Variants in NCKAP5 observed in about 807,000 individuals in gnomAD.
The protein encoded by NCKAP5 is NCK associated protein 5.
A neutral mutation model predicts 167.0 loss-of-function variants in NCKAP5; 92 were observed. The observed-to-expected ratio is 0.55, with a 90% CI of 0.47 to 0.66. The LOEUF (loss-of-function observed/expected upper bound fraction) is 0.66, where lower values mean the gene tolerates loss of function less well. NCKAP5 is among the 30% of genes least tolerant of loss of function. NCKAP5 has a pLI of 0.00. For missense variants in NCKAP5, 2,378 were observed against 2,315.0 expected (o/e 1.03, Z -0.56); for synonymous variants, 891 against 877.4 (o/e 1.02, Z -0.27).
At chr2:133,329,544 G>A (rs1237936552) in intron 3 of NCKAP5, among the ~76,000 whole-genome samples, 1 of 152,088 alleles carries the variant, frequency 6.6e-6, no homozygotes, top group Non-Finnish European at 1.5e-5. Context: ...ATTGAAAGAT[G>A]GGCAAGGTGT....
chr2:132,928,398 A>G (rs1334232249), intron 8 of NCKAP5, among the ~76,000 whole-genome samples: 2 of 152,212 alleles, frequency 1.3e-5, no homozygotes, highest in Non-Finnish European at 2.9e-5. Context: ...TTAATTGATG[A>G]GGTTTCCTTA....
At chr2:133,214,062 A>C (rs1215573793) in intron 4 of NCKAP5, among the ~76,000 whole-genome samples, 1 of 152,196 alleles carries the variant, frequency 6.6e-6, no homozygotes, top group Non-Finnish European at 1.5e-5. Flanking sequence ...CTCACAAATA[A>C]ATTTTTCATG....
chr2:133,280,843 A>G (rs1317120573), intron 4 of NCKAP5, among the ~76,000 whole-genome samples: 2 of 152,210 alleles, frequency 1.3e-5, no homozygotes, highest in East Asian at 3.9e-4. Context: ...AATTTGTGAC[A>G]GTGACGATAT....
At chr2:132,922,054 G>C (rs570467857) in intron 8 of NCKAP5, among the ~76,000 whole-genome samples, 1 of 152,302 alleles carries the variant, frequency 6.6e-6, no homozygotes, top group Non-Finnish European at 1.5e-5. Context: ...ACAGAGCAGA[G>C]AGATGGACAG....
At position 133,292,804 on chromosome 2, in the gene NCKAP5, G is replaced by A. The variant is rs137938042; in HGVS notation, c.143+10233C>T. On this transcript the variant is annotated intron_variant, in intron 4 of 19. Coordinates refer to ENST00000409261, the MANE Select transcript of NCKAP5 (RefSeq NM_207363.3). ...GGCAGTAAATCTATCTTTTAAGTAC[G>A]AATATTTCCCCAGTTACATTAGGGA... Among the ~76,000 whole-genome samples the A allele has an allele frequency of 4.6e-5, 7 of 152,186 alleles. No individual in the cohort carries two copies. In the East Asian group the frequency reaches 7.7e-4, roughly 17 times the overall value.
At chr2:133,663,885 T>C in the NCKAP5 span, among the ~76,000 whole-genome samples, 1 of 152,202 alleles carries the variant, frequency 6.6e-6, no homozygotes, top group East Asian at 1.9e-4. Flanking sequence ...CTTATTGGCA[T>C]CTAGAATGGT....
intron 8 of NCKAP5, among the ~76,000 whole-genome samples, chr2:132,884,636 A>G (rs1412640490): frequency 5.3e-5 from 8 of 152,336 alleles, no homozygotes; most frequent in South Asian, 2.1e-4. Flanking sequence ...TAGAATTCCA[A>G]TTCTACAAAG....
At chr2:133,605,552 A>C in the NCKAP5 span, among the ~76,000 whole-genome samples, 1 of 152,214 alleles carries the variant, frequency 6.6e-6, no homozygotes, top group Admixed American at 6.5e-5. Context: ...ACTTGGTAGA[A>C]TAGCTTGAAA....
intron 3 of NCKAP5, among the ~76,000 whole-genome samples, chr2:133,404,227 A>G (rs534240254): frequency 6.6e-6 from 1 of 152,340 alleles, no homozygotes; most frequent in South Asian, 2.1e-4. Context: ...TGTCCTGTTG[A>G]ACTGTTGAAA....
intron 3 of NCKAP5, among the ~76,000 whole-genome samples, chr2:133,385,592 C>G (rs1686890774): frequency 6.6e-6 from 1 of 152,040 alleles, no homozygotes; most frequent in African/African-American, 2.4e-5. Flanking sequence ...CCCTCTTTTT[C>G]TATTGATTGG....
At chr2:133,111,782 T>G (rs2081922724) in intron 6 of NCKAP5, among the ~76,000 whole-genome samples, 1 of 152,204 alleles carries the variant, frequency 6.6e-6, no homozygotes, top group Non-Finnish European at 1.5e-5. Flanking sequence ...CACACTGGGC[T>G]GTGATGAACA....
chr2:132,786,835 G>A (rs561568279), intron 13 of NCKAP5, among the ~76,000 whole-genome samples: 59 of 152,236 alleles, frequency 3.9e-4, no homozygotes, highest in African/African-American at 1.1e-3. Context: ...TCTATAGTAC[G>A]TCGGTTTTGA....
intron 6 of NCKAP5, chr2:133,118,426 C>G (rs1050728869): frequency 6.6e-6 from 1 of 151,504 alleles, no homozygotes; most frequent in African/African-American, 2.4e-5. Context: ...TATGATGGAC[C>G]AGGTTGGCCA....
the NCKAP5 span, among the ~76,000 whole-genome samples, chr2:133,590,120 G>A: frequency 3.9e-5 from 6 of 152,264 alleles, no homozygotes; most frequent in South Asian, 2.1e-4. Flanking sequence ...CCCAAGGAGT[G>A]TCCACTTGGC....
At position 132,830,474 on chromosome 2, in the gene NCKAP5, TC is replaced by T. The variant is rs546319037; in HGVS notation, c.807+30017del. 4.6e-4 allele frequency among the ~76,000 whole-genome samples: 70 copies of T among 151,900 alleles called. 1 individual carries two copies. Among genetic ancestry groups the T allele is most frequent in the African/African-American group, 1.4e-3 (58 of 41,412 alleles). On this transcript the variant is annotated intron_variant, in intron 11 of 19. Transcript: ENST00000409261. ...GTCAGGAGGGTAAACAGTATCTCAC[TC>T]CCGAAGAACAAAGGGCTGAGGTGGA...
intron 3 of NCKAP5, among the ~76,000 whole-genome samples, chr2:133,354,188 T>C (rs1684550175): frequency 6.6e-6 from 1 of 152,040 alleles, no homozygotes; most frequent in Non-Finnish European, 1.5e-5. Flanking sequence ...ATGCATTATA[T>C]AATACTTAAC....
chr2:133,089,172 T>A (rs2149626207), intron 6 of NCKAP5, among the ~76,000 whole-genome samples: 1 of 152,338 alleles, frequency 6.6e-6, no homozygotes, highest in South Asian at 2.1e-4. Flanking sequence ...GTATCTCTCA[T>A]CTTAAAATCC....
In NCKAP5 at chr2:132,782,111, T is replaced by A; in HGVS notation, c.4700A>T (p.Glu1567Val). Reference protein sequence around the residue: ...KPELQCETENELIKDTKSADN... With the variant: ...KPELQCETENVLIKDTKSADN... ...TGCTGACTTGGTGTCCTTGATAAGC[T>A]CATTTTCTGTCTCACACTGTAGTTC... The change falls in exon 14 of 20, where the codon GAG becomes GTG. Residue 1567 changes from glutamate (E) to valine (V), a missense_variant. Glu to Val is a moderately radical substitution (Grantham distance 121). This residue lies in a region of NCKAP5 where 1,325 missense variants were observed against 1,274.5 expected (regional missense o/e 1.04). Transcript: ENST00000409261. 1 of 1,614,064 alleles carries A rather than the reference T, an allele frequency of 6.2e-7. No homozygotes were observed. Among genetic ancestry groups the A allele is most frequent in the Non-Finnish European group, 8.5e-7 (1 of 1,179,900 alleles).
At chr2:133,662,186 T>A in the NCKAP5 span, among the ~76,000 whole-genome samples, 1 of 152,142 alleles carries the variant, frequency 6.6e-6, no homozygotes, top group Non-Finnish European at 1.5e-5. Context: ...TTAAGATAAT[T>A]TTTGGCCAGA....
Sources: allele counts gnomAD v4.1 joint callset (sites outside exome capture counted in the v4.1 genomes callset), GRCh38; gene constraint gnomAD v4.1.1; regional missense constraint gnomAD v4.1.1; transcripts MANE v1.5; gene names NCBI Gene and HGNC (gene_info 2026-07-23, HGNC 2026-07-21).